The following RAD21L1 variants were observed in gnomAD, a reference collection of about 807,000 sequenced individuals.
The protein encoded by RAD21L1 is double-strand-break repair protein rad21-like protein 1.
In RAD21L1, 47 loss-of-function variants were observed where a neutral mutation model predicts 69.0. The observed-to-expected ratio is 0.68, with a 90% CI of 0.54 to 0.87. The LOEUF is 0.87. RAD21L1 is among the 40% of genes least tolerant of loss of function. RAD21L1 has a pLI of 0.00. For missense variants in RAD21L1, 583 were observed against 647.6 expected, an observed-to-expected ratio of 0.90 and a Z score of 1.08; for synonymous variants, 177 against 205.8, an observed-to-expected ratio of 0.86 and a Z score of 1.20.
In RAD21L1 at chr20:1,234,106, C is replaced by T. The variant is rs1366875973; in HGVS notation, c.390C>T (p.His130=). The T allele has an allele frequency of 5.9e-6, 9 of 1,536,050 alleles. No individual in the cohort carries two copies. In the African/African-American group the frequency reaches 9.6e-5, roughly 16 times the overall value. ...ATAGTGCTATTGATGTTTCAGAACACTTTACTCAGAACCAAAGCAGACCAG... is the reference window on the plus strand; with the variant it reads ...ATAGTGCTATTGATGTTTCAGAACATTTTACTCAGAACCAAAGCAGACCAG... ...QNMNAIDVSE[H]FTQNQSRPEE... is the part of the protein sequence containing the mutation. Residue 130 remains histidine, a synonymous_variant, in exon 5 of 14, where the codon CAC becomes CAT. Transcript: ENST00000683101.
intron 5 of RAD21L1, among the ~76,000 whole-genome samples, chr20:1,235,008 G>T (rs2087465609): frequency 6.6e-6 from 1 of 152,122 alleles, no homozygotes; most frequent in African/African-American, 2.4e-5. Flanking sequence ...CTCCCAAATT[G>T]TTGGGTTTAC....
chr20:1,243,403 G>A (rs535073597), intron 10 of RAD21L1, among the ~76,000 whole-genome samples: 85 of 152,086 alleles, frequency 5.6e-4, no homozygotes, highest in Non-Finnish European at 9.0e-4. Context: ...CAGAGATTTC[G>A]TTAAAAAGAT....
At chr20:1,242,988 G>A (rs2087646656) in intron 9 of RAD21L1, 109 bp from the exon 10 acceptor site, 10 of 903,848 alleles carry the variant, frequency 1.1e-5, no homozygotes, top group South Asian at 1.7e-5. Context: ...TTAATTTTCT[G>A]TATTGTGTGT....
At chr20:1,250,946 T>C (rs970391239) in intron 13 of RAD21L1, among the ~76,000 whole-genome samples, 5 of 152,188 alleles carry the variant, frequency 3.3e-5, no homozygotes, top group African/African-American at 1.2e-4. Flanking sequence ...GCTCCATAGT[T>C]TTTGTCTTGG....
At chr20:1,238,485 G>C (rs559098998) in intron 6 of RAD21L1, among the ~76,000 whole-genome samples, 13 of 152,206 alleles carry the variant, frequency 8.5e-5, no homozygotes, top group Admixed American at 5.9e-4. Context: ...TTTTGGAGGG[G>C]AGAGAGTGAG....
chr20:1,252,663 T>TGTGAGGTTGTGGAGTGGACAGAAGGTCTA (rs773773256), intron 13 of RAD21L1, among the ~76,000 whole-genome samples: 9,230 of 152,278 alleles, frequency 0.061, 382 homozygotes, highest in South Asian at 0.1. Context: ...CGGTCTCCGC[T>TGTGAGGTTGTGGAGTGGACAGAAGGTCTA]ACTGTTCCTA....
Position 1,234,507 on chromosome 20 carries a change from A to T in RAD21L1, c.475+316A>T, listed in dbSNP as rs898012501. Among the ~76,000 whole-genome samples the T allele has an allele frequency of 2.6e-5, 4 of 152,226 alleles. No individual in the cohort carries two copies. The East Asian group carries it at 7.7e-4, about 29-fold the overall frequency. ...AGGAGATTCTGGGTGTGAGAGAGAC[A>T]CATAAATAAACAGTTAAGATGGTCA... On this transcript the variant is annotated intron_variant, in intron 5 of 13. Coordinates refer to ENST00000683101, the MANE Select transcript of RAD21L1 (RefSeq NM_001384355.1).
intron 4 of RAD21L1, 78 bp from the exon 5 acceptor site, chr20:1,234,007 T>C: frequency 1.5e-6 from 1 of 671,434 alleles, no homozygotes; most frequent in Non-Finnish European, 2.6e-6. Flanking sequence ...TTTTAGTTTC[T>C]TCACTATATC....
At chr20:1,241,622 G>A (rs928504870) in intron 8 of RAD21L1, among the ~76,000 whole-genome samples, 2 of 152,064 alleles carry the variant, frequency 1.3e-5, no homozygotes, top group Admixed American at 1.3e-4. Context: ...TTGGGGGAGG[G>A]GTATGGAAGG....
intron 1 of RAD21L1, among the ~76,000 whole-genome samples, chr20:1,226,949 G>C (rs1041271220): frequency 6.6e-6 from 1 of 152,134 alleles, no homozygotes; most frequent in Admixed American, 6.5e-5. Flanking sequence ...GCCCTCTGTC[G>C]CCCAGGCTGG....
chr20:1,251,053 T>G (rs1433185752), intron 13 of RAD21L1, among the ~76,000 whole-genome samples: 1 of 152,170 alleles, frequency 6.6e-6, no homozygotes, highest in African/African-American at 2.4e-5. Context: ...TATCTTAAAT[T>G]TTTTAGTGGT....
chr20:1,230,092 G>A, intron 3 of RAD21L1, 83 bp downstream of exon 3: 1 of 989,752 alleles, frequency 1.0e-6, no homozygotes, highest in Non-Finnish European at 1.4e-6. Flanking sequence ...TATACTTCAG[G>A]CTAGTATGGT....
At position 1,243,185 on chromosome 20, in the gene RAD21L1, A is replaced by G; in HGVS notation, c.1172A>G (p.Gln391Arg). Residue 391 changes from glutamine (Q) to arginine (R), a missense_variant, in exon 10 of 14, where the codon CAA becomes CGA. By Grantham distance (43) the Gln-to-Arg change is conservative. Transcript: ENST00000683101. ...KESVREEVGN[Q>R]NIVETSMMQE... is the part of the protein sequence containing the mutation. ...TCAGTAAGGGAAGAAGTGGGAAACC[A>G]AAATATAGTAGGTGAGACTTCTTAA... 6.7e-7 allele frequency: 1 copy of G among 1,487,380 alleles called. No individual in the cohort carries two copies. 92.1% of individuals were successfully genotyped at this position (1,487,380 alleles called of 1,614,324 possible).
chr20:1,241,085 A>C (rs1381452731), intron 8 of RAD21L1, among the ~76,000 whole-genome samples: 2 of 152,244 alleles, frequency 1.3e-5, no homozygotes, highest in Admixed American at 6.5e-5. Context: ...TATCACTTGC[A>C]TTATATTCAG....
At position 1,254,625 on chromosome 20, in the gene RAD21L1, T is replaced by G. The variant is rs2122186761; in HGVS notation, c.*168T>G. The G allele has an allele frequency of 2.4e-6, 1 of 422,734 alleles. No individual in the cohort carries two copies. The highest frequency in any genetic ancestry group is 4.1e-6 in the Non-Finnish European group (1 of 242,672). The allele number at this position is 422,734 out of a possible 1,614,324, so 26.2% of individuals were successfully genotyped here. On this transcript the variant is annotated 3_prime_UTR_variant, in exon 14 of 14. Transcript: ENST00000683101. ...ATAATCATAGCTAGAATTGGAAACC[T>G]ACATGCTTACAAAGAAATACTTTAA... is the stretch of plus-strand genomic sequence containing the variant.
chr20:1,229,112 G>A (rs2087331139), intron 2 of RAD21L1, among the ~76,000 whole-genome samples: 1 of 152,238 alleles, frequency 6.6e-6, no homozygotes, highest in Non-Finnish European at 1.5e-5. Flanking sequence ...AGCCTATGGT[G>A]TGTTAGGCAC....
At chr20:1,239,105 G>C (rs1461344741) in intron 6 of RAD21L1, among the ~76,000 whole-genome samples, 1 of 152,132 alleles carries the variant, frequency 6.6e-6, no homozygotes, top group African/African-American at 2.4e-5. Context: ...GGGATTATAG[G>C]AGTGAGCCAC....
In RAD21L1 at chr20:1,243,106, A is replaced by G; in HGVS notation, c.1093A>G (p.Lys365Glu). The change falls in exon 10 of 14, where the codon AAA becomes GAA. Residue 365 changes from lysine (K) to glutamate (E), a missense_variant. Transcript: ENST00000683101. The part of the protein sequence containing the change: ...IHAELKMLFT[K>E]CFLSSGFKLG... ...ATGTGTATTTTTACAGTTGTTTACA[A>G]AATGCTTTCTGTCCTCTGGCTTTAA... The G allele has an allele frequency of 1.3e-6, 2 of 1,522,534 alleles. No homozygotes were observed. The highest frequency in any genetic ancestry group is 1.8e-6 in the Non-Finnish European group (2 of 1,136,174). 94.3% of individuals were successfully genotyped at this position (1,522,534 alleles called of 1,614,324 possible). A position where few individuals can be genotyped will look rare whatever the true frequency, so the allele number is the denominator to read the frequency against.
intron 5 of RAD21L1, among the ~76,000 whole-genome samples, chr20:1,237,703 A>C (rs192664285): frequency 6.6e-6 from 1 of 152,258 alleles, no homozygotes; most frequent in Non-Finnish European, 1.5e-5. Context: ...AATACTATGA[A>C]ATATACTTGG....
Sources: allele counts gnomAD v4.1 joint callset (sites outside exome capture counted in the v4.1 genomes callset), GRCh38; gene constraint gnomAD v4.1.1; transcripts MANE v1.5; gene names NCBI Gene and HGNC (gene_info 2026-07-23, HGNC 2026-07-21).